The following GPC5 variants were observed in gnomAD, a reference collection of about 807,000 sequenced individuals.
The protein encoded by GPC5 is glypican-5.
Under a neutral mutation model 53.9 loss-of-function variants are expected in GPC5, and 47 were observed. The observed-to-expected ratio is 0.87, with a 90% CI of 0.69 to 1.11. The LOEUF (loss-of-function observed/expected upper bound fraction) is 1.11. Ranked by LOEUF, GPC5 falls within the 50% of genes most tolerant of loss-of-function variation. GPC5 has a pLI of 0.00. For missense variants in GPC5, 748 were observed against 713.1 expected (o/e 1.05, Z -0.56); for synonymous variants, 286 against 263.3 (o/e 1.09, Z -0.84).
intron 7 of GPC5, among the ~76,000 whole-genome samples, chr13:92,164,688 A>G (rs775899297): frequency 1.8e-4 from 28 of 152,012 alleles, no homozygotes; most frequent in Non-Finnish European, 3.7e-4. Flanking sequence ...CCCTCTTCTC[A>G]CAGCTCCACT....
chr13:92,144,520 G>T (rs755128923), intron 6 of GPC5, among the ~76,000 whole-genome samples: 14 of 152,110 alleles, frequency 9.2e-5, no homozygotes, highest in Non-Finnish European at 1.8e-4. Context: ...AACATTATTT[G>T]TTCAGAAACA....
At chr13:91,939,771 C>T (rs1220249653) in intron 6 of GPC5, among the ~76,000 whole-genome samples, 1 of 152,030 alleles carries the variant, frequency 6.6e-6, no homozygotes, top group South Asian at 2.1e-4. Flanking sequence ...AAGACTACCA[C>T]GAGGGCTGAA....
At chr13:92,282,089 A>G (rs1265863782) in intron 7 of GPC5, among the ~76,000 whole-genome samples, 2 of 152,260 alleles carry the variant, frequency 1.3e-5, no homozygotes, top group Non-Finnish European at 2.9e-5. Context: ...CACGAGAACT[A>G]TGTGACGAAT....
chr13:91,462,541 AT>A (rs1881997995), intron 2 of GPC5, among the ~76,000 whole-genome samples: 1 of 152,116 alleles, frequency 6.6e-6, no homozygotes, highest in South Asian at 2.1e-4. Context: ...TATCTATTGG[AT>A]AACTACATTT....
chr13:92,190,329 A>G (rs1310868698), intron 7 of GPC5, among the ~76,000 whole-genome samples: 1 of 152,196 alleles, frequency 6.6e-6, no homozygotes, highest in Non-Finnish European at 1.5e-5. Flanking sequence ...AAAAATCTTA[A>G]GTGCTTCAGA....
rs372823796 is a variant in GPC5, at chr13:91,892,938, A to T, written c.1281-14999A>T. 1.1e-4 allele frequency among the ~76,000 whole-genome samples: 16 copies of T among 152,080 alleles called. No homozygotes were observed. In the East Asian group the frequency reaches 2.5e-3, roughly 24 times the overall value. ...AACAATTATAACTAGCTACTTATGAAAACTAAGATATTAGATAAAATGAGT... is the reference window on the plus strand; with the variant it reads ...AACAATTATAACTAGCTACTTATGATAACTAAGATATTAGATAAAATGAGT... On this transcript the variant is annotated intron_variant, in intron 5 of 7. Coordinates refer to ENST00000377067, the MANE Select transcript of GPC5 (RefSeq NM_004466.6).
chr13:91,769,206 G>C (rs1208541574), intron 5 of GPC5, among the ~76,000 whole-genome samples: 3 of 152,092 alleles, frequency 2.0e-5, no homozygotes, highest in African/African-American at 7.2e-5. Context: ...GGGGACCTTA[G>C]TATCTCCTAA....
chr13:91,697,472 A>G (rs924627162), intron 3 of GPC5, among the ~76,000 whole-genome samples: 5 of 152,144 alleles, frequency 3.3e-5, no homozygotes, highest in African/African-American at 9.7e-5. Context: ...CCCAAAGTAA[A>G]CATTTATTTC....
chr13:92,831,083 C>T (rs927289515), intron 7 of GPC5, among the ~76,000 whole-genome samples: 1 of 151,994 alleles, frequency 6.6e-6, no homozygotes, highest in African/African-American at 2.4e-5. Flanking sequence ...CTTACTTTCA[C>T]AAAGATTTTG....
At chr13:91,594,841 A>G (rs1322487750) in intron 2 of GPC5, among the ~76,000 whole-genome samples, 1 of 151,516 alleles carries the variant, frequency 6.6e-6, no homozygotes, top group Admixed American at 6.6e-5. Flanking sequence ...CCATCTAGCT[A>G]ATTTTATTTT....
intron 7 of GPC5, among the ~76,000 whole-genome samples, chr13:92,176,188 C>A (rs2042108178): frequency 6.6e-6 from 1 of 152,182 alleles, no homozygotes; most frequent in Admixed American, 6.5e-5. Context: ...TAGGATGGAG[C>A]CGGTGACTCT....
chr13:92,071,028 G>C (rs1408068610), intron 6 of GPC5, among the ~76,000 whole-genome samples: 5 of 152,140 alleles, frequency 3.3e-5, no homozygotes, highest in Non-Finnish European at 5.9e-5. Flanking sequence ...ACGAGGTCAG[G>C]AGATCAAGAC....
chr13:92,264,413 G>A (rs914035828), intron 7 of GPC5, among the ~76,000 whole-genome samples: 10 of 152,068 alleles, frequency 6.6e-5, no homozygotes, highest in African/African-American at 4.8e-5. Context: ...TTTGCTTTAA[G>A]GTGTTTTCCC....
intron 7 of GPC5, among the ~76,000 whole-genome samples, chr13:92,613,365 TTATATATAAATA>T (rs1258025151): frequency 1.1e-5 from 1 of 88,196 alleles, no homozygotes; most frequent in African/African-American, 4.4e-5. Context: ...TATAATATAT[TTATATATAAATA>T]TATTATATTA....
chr13:92,289,606 T>A (rs2042979956), intron 7 of GPC5, among the ~76,000 whole-genome samples: 1 of 151,990 alleles, frequency 6.6e-6, no homozygotes, highest in Admixed American at 6.6e-5. Context: ...AATAACTATG[T>A]ATCAGGAACT....
intron 7 of GPC5, among the ~76,000 whole-genome samples, chr13:92,458,390 C>T (rs1479880917): frequency 3.3e-5 from 5 of 152,000 alleles, no homozygotes; most frequent in Non-Finnish European, 7.4e-5. Flanking sequence ...CCTCCACATC[C>T]CGGGTTTAAG....
chr13:91,568,972 A>C (rs2031661467), intron 2 of GPC5, among the ~76,000 whole-genome samples: 1 of 152,054 alleles, frequency 6.6e-6, no homozygotes, highest in South Asian at 2.1e-4. Context: ...GCTGGTCTTA[A>C]ACTCTTGACT....
intron 5 of GPC5, among the ~76,000 whole-genome samples, chr13:91,834,943 A>G (rs917540956): frequency 7.9e-5 from 12 of 152,352 alleles, no homozygotes; most frequent in African/African-American, 2.9e-4. Flanking sequence ...AGAAACTTTC[A>G]TCAGAGTGAA....
At chr13:91,711,314 A>T (rs937550152) in intron 3 of GPC5, among the ~76,000 whole-genome samples, 6 of 152,186 alleles carry the variant, frequency 3.9e-5, no homozygotes, top group Admixed American at 3.9e-4. Flanking sequence ...AGGGACATGG[A>T]TGAAGCTGGA....
Sources: gnomAD v4.1 joint callset for allele counts (sites outside exome capture counted in the v4.1 genomes callset) on GRCh38, gnomAD v4.1.1 for gene constraint, MANE v1.5 for transcripts, NCBI Gene and HGNC (gene_info 2026-07-23, HGNC 2026-07-21) for gene names.